The following OBSL1 variants were observed in gnomAD, a reference collection of about 807,000 sequenced individuals.
The protein encoded by OBSL1 is obscurin like cytoskeletal adaptor 1.
In OBSL1, 160 loss-of-function variants were observed where a neutral mutation model predicts 172.0. The ratio of observed to expected loss-of-function variants is 0.93; its 90% CI spans 0.82 to 1.06. OBSL1 has a LOEUF of 1.06. OBSL1 is among the 50% of genes least tolerant of loss of function. The pLI, the probability that OBSL1 is intolerant of heterozygous loss-of-function variation, is 0.00. For synonymous variants in OBSL1, 1,200 were observed against 1,196.3 expected, an observed-to-expected ratio of 1.00 and a Z score of -0.06; for missense variants, 2,681 against 2,715.4, an observed-to-expected ratio of 0.99 and a Z score of 0.28.
intron 15 of OBSL1, 77 bp downstream of exon 15, chr2:219,554,397 T>G: frequency 2.0e-6 from 3 of 1,519,478 alleles, no homozygotes; most frequent in Non-Finnish European, 1.8e-6. Context: ...GTCACACGAG[T>G]TGGGGGTCAG....
chr2:219,547,437 C>A, downstream of OBSL1: 2 of 1,268,936 alleles, frequency 1.6e-6, no homozygotes, highest in Non-Finnish European at 2.1e-6. Flanking sequence ...TGTCCTTGAC[C>A]CCTTGGACCT....
In OBSL1 at chr2:219,552,050, T is replaced by C. The variant is rs1423674789; in HGVS notation, c.5413+62A>G. 4 of 1,470,974 alleles carry C rather than the reference T, an allele frequency of 2.7e-6. No homozygotes were observed. In the African/African-American group the frequency reaches 4.2e-5, roughly 15 times the overall value. 91.1% of individuals were successfully genotyped at this position (1,470,974 alleles called of 1,614,324 possible). ...GTTCTTGGGGCCAGCCCCAAGTCCG[T>C]CAGTCCCATGGCAGGAGAGACAGGA... On this transcript the variant is annotated intron_variant, in intron 19 of 20. Coordinates refer to ENST00000404537, the MANE Select transcript of OBSL1 (RefSeq NM_015311.3).
chr2:219,555,253 C>T (rs993144833), intron 14 of OBSL1: 3 of 155,176 alleles, frequency 1.9e-5, no homozygotes, highest in Admixed American at 1.9e-4. Context: ...TAAGAATTTT[C>T]ATGTTATCTC....
At chr2:219,554,064 T>C (rs1559134737) in intron 15 of OBSL1, among the ~76,000 whole-genome samples, 1 of 151,916 alleles carries the variant, frequency 6.6e-6, no homozygotes, top group Non-Finnish European at 1.5e-5. Context: ...ATGTCGCCCG[T>C]AGGCAGTCAG....
At chr2:219,567,215 C>T (rs1374430143) in intron 4 of OBSL1, 58 bp downstream of exon 4, 1 of 1,562,540 alleles carries the variant, frequency 6.4e-7, no homozygotes, top group Admixed American at 1.8e-5. Context: ...AGAGGACCAG[C>T]ACTGAGGGCT....
At chr2:219,553,507 T>G in intron 16 of OBSL1, 67 bp downstream of exon 16, 1 of 1,135,704 alleles carries the variant, frequency 8.8e-7, no homozygotes, top group Non-Finnish European at 1.3e-6. Flanking sequence ...TATTAGCTGT[T>G]TCTGTCTGGG....
intron 1 of OBSL1, chr2:219,569,436 G>A (rs1007614517): frequency 3.9e-5 from 6 of 152,300 alleles, no homozygotes; most frequent in East Asian, 1.9e-4. Flanking sequence ...TATGGGGAGC[G>A]TTACCTTCTG....
In OBSL1 at chr2:219,567,553, T is replaced by A. The variant is rs1574574428; in HGVS notation, c.1557A>T (p.Gly519=). Residue 519 remains glycine, a synonymous_variant, in exon 4 of 21, where the codon GGA becomes GGT. Coordinates refer to ENST00000404537, the MANE Select transcript of OBSL1 (RefSeq NM_015311.3). ...RVKCVKHSPP[G]PPILAEMFKG... is the part of the protein sequence containing the mutation. ...TGAACATCTCTGCCAATATGGGGGG[T>A]CCTGGGGGACTGTGCTTGACACCTG... The A allele has an allele frequency of 6.2e-7, 1 of 1,609,100 alleles. No homozygotes were observed. The highest frequency in any genetic ancestry group is 8.5e-7 in the Non-Finnish European group (1 of 1,177,786).
Position 219,562,580 on chromosome 2 carries a change from G to A in OBSL1, c.2775C>T (p.Pro925=). The A allele has an allele frequency of 1.2e-6, 2 of 1,612,806 alleles. No homozygotes were observed. Among genetic ancestry groups the A allele is most frequent in the Non-Finnish European group, 1.7e-6 (2 of 1,179,516 alleles). Residue 925 remains proline (P), a synonymous_variant, in exon 8 of 21, where the codon CCC becomes CCT. Coordinates refer to ENST00000404537, the MANE Select transcript of OBSL1 (RefSeq NM_015311.3). ...RVVLTCELCR[P]WAEVRWTKDG... ...CCTTGGTCCAGCGCACCTCTGCCCA[G>A]GGCCGGCATAGCTCACAGGTCAGCA...
In OBSL1 at chr2:219,567,894, A is replaced by G. The variant is rs1315045720; in HGVS notation, c.1358T>C (p.Leu453Pro). ...CCAGCGTCCCTCGACCCCGGCCTCT[A>G]GAGTTTCCACTAGCAGCACAGCATT... is the stretch of plus-strand genomic sequence containing the variant. ...GENAVLLVET[L>P]EAGVEGRWSR... Residue 453 changes from leucine to proline, a missense_variant, in exon 3 of 21, where the codon CTA becomes CCA. Leu to Pro is a moderately conservative substitution (Grantham distance 98). Transcript: ENST00000404537. 1 of 1,613,840 alleles carries G rather than the reference A, an allele frequency of 6.2e-7. No homozygotes were observed. Among genetic ancestry groups the G allele is most frequent in the Non-Finnish European group, 8.5e-7 (1 of 1,179,886 alleles).
intron 8 of OBSL1, chr2:219,561,586 A>G (rs1180635892): frequency 2.3e-5 from 10 of 434,782 alleles, no homozygotes; most frequent in Non-Finnish European, 3.4e-5. Context: ...TCCTAGAGGG[A>G]AGCGGCCGTG....
At chr2:219,559,187 C>T (rs751186003) in intron 9 of OBSL1, 38 bp downstream of exon 9, 97 of 1,556,700 alleles carry the variant, frequency 6.2e-5, no homozygotes, top group Non-Finnish European at 8.4e-5. Flanking sequence ...TAGCCCCCTA[C>T]CTCTCTACCT....
At position 219,570,887 on chromosome 2, in the gene OBSL1, G is replaced by A. The variant is rs926208937; in HGVS notation, c.346C>T (p.Arg116Cys). 6.6e-6 allele frequency: 9 copies of A among 1,358,874 alleles called. No homozygotes were observed. The highest frequency in any genetic ancestry group is 8.5e-6 in the Non-Finnish European group (9 of 1,060,878). The allele number at this position is 1,358,874 out of a possible 1,614,324, so 84.2% of individuals were successfully genotyped here. A position where few individuals can be genotyped will look rare whatever the true frequency, so the allele number is the denominator to read the frequency against. The change falls in exon 1 of 21, where the codon CGC (arginine) becomes TGC (cysteine). Residue 116 changes from arginine to cysteine, a missense_variant. Arg to Cys is a radical substitution (Grantham distance 180). Transcript: ENST00000404537. ...CCGGACCCCGGCGATGGCAGCGGGC[G>A]CTCGGCGGGCTGCAGCTCGGGGTCG... is the stretch of plus-strand genomic sequence containing the variant. ...ASDPELQPAE[R>C]PLPSPGSGEG...
chr2:219,567,969 C>T lies in OBSL1; in HGVS notation c.1283G>A (p.Gly428Glu), dbSNP rs372641810. 8.7e-6 allele frequency: 14 copies of T among 1,613,280 alleles called. No homozygotes were observed. Among genetic ancestry groups the T allele is most frequent in the Non-Finnish European group, 1.0e-5 (12 of 1,179,590 alleles). Residue 428 changes from glycine (G) to glutamate (E), a missense_variant and splice_region_variant, in exon 3 of 21, where the codon GGG becomes GAG. By Grantham distance (98) the Gly-to-Glu change is moderately conservative (BLOSUM62 -2). Around this residue, in one of 5 missense-constraint regions of OBSL1, gnomAD observed 706 missense variants for 695.8 expected, o/e 1.01. Transcript: ENST00000404537. ...CCGGGGCAGGCGCTTCAGGATGGGC[C>T]CTGAGATGCGGACAGGAATCCATCA... The part of the protein sequence containing the change: ...VRTVANVTVK[G>E]PILKRLPRKL...
chr2:219,571,204 C>T lies in OBSL1; in HGVS notation c.29G>A (p.Ser10Asn). Residue 10 changes from serine (S) to asparagine (N), a missense_variant, in exon 1 of 21, where the codon AGC (serine) becomes AAC (asparagine). Ser to Asn is a conservative substitution (Grantham distance 46). Coordinates refer to ENST00000404537, the MANE Select transcript of OBSL1 (RefSeq NM_015311.3). MKASSGDQG[S>N]PPCFLRFPRP... ...CGGGAAGCGCAGGAAGCACGGGGGG[C>T]TCCCCTGATCCCCCGAGCTCGCCTT... 1 of 1,432,176 alleles carries T rather than the reference C, an allele frequency of 7.0e-7. No individual in the cohort carries two copies. Among genetic ancestry groups the T allele is most frequent in the Non-Finnish European group, 9.2e-7 (1 of 1,091,450 alleles). 88.7% of individuals were successfully genotyped at this position (1,432,176 alleles called of 1,614,324 possible).
In OBSL1 at chr2:219,567,746, G is replaced by A; in HGVS notation, c.1506C>T (p.Ser502=). The change falls in exon 3 of 21, where the codon TCC becomes TCT. Residue 502 remains serine, a synonymous_variant. Coordinates refer to ENST00000404537, the MANE Select transcript of OBSL1 (RefSeq NM_015311.3). ...AGEVTFSLGN[S]RTTTLLRVKC... The stretch of plus-strand genomic sequence containing the variant: ...TTACTCTGAGAAGCGTAGTGGTACG[G>A]GAGTTGCCCAGGCTAAAGGTGACCT... 1 of 1,613,200 alleles carries A rather than the reference G, an allele frequency of 6.2e-7. No individual in the cohort carries two copies. The highest frequency in any genetic ancestry group is 8.5e-7 in the Non-Finnish European group (1 of 1,179,262).
chr2:219,570,798 C>T lies in OBSL1; in HGVS notation c.435G>A (p.Val145=), dbSNP rs1472517276. 1 of 1,493,458 alleles carries T rather than the reference C, an allele frequency of 6.7e-7. No individual in the cohort carries two copies. The highest frequency in any genetic ancestry group is 8.9e-7 in the Non-Finnish European group (1 of 1,129,174). 92.5% of individuals were successfully genotyped at this position (1,493,458 alleles called of 1,614,324 possible). A position where few individuals can be genotyped will look rare whatever the true frequency, so the allele number is the denominator to read the frequency against. The change falls in exon 1 of 21, where the codon GTG becomes GTA. Residue 145 remains valine, a synonymous_variant. Transcript: ENST00000404537. The part of the protein sequence containing the change: ...RSQWVLRGAE[V]VLTCRAGGLP... ...GGCCCCCCGCCCGGCACGTCAGCAC[C>T]ACCTCCGCCCCCCGCAGCACCCACT...
At position 219,565,585 on chromosome 2, in the gene OBSL1, G is replaced by T. The variant is rs1696827040; in HGVS notation, c.2135-71C>A. The T allele has an allele frequency of 8.2e-6, 12 of 1,468,862 alleles. No individual in the cohort carries two copies. In the South Asian group the frequency reaches 1.4e-4, roughly 18 times the overall value. The allele number at this position is 1,468,862 out of a possible 1,614,324, so 91.0% of individuals were successfully genotyped here. The stretch of plus-strand genomic sequence containing the variant: ...GGGCTCAGTGTCGGATGCATCAGAG[G>T]GAACAACTGCTGTTGTTGGGGTTTT... On this transcript the variant is annotated intron_variant, in intron 5 of 20. Coordinates refer to ENST00000404537, the MANE Select transcript of OBSL1 (RefSeq NM_015311.3).
chr2:219,555,711 G>C (rs1222736260), intron 14 of OBSL1: 1 of 1,208,188 alleles, frequency 8.3e-7, no homozygotes, highest in African/African-American at 1.5e-5. Flanking sequence ...ACTTAAGTGG[G>C]TATGTGTATC....
Sources: allele counts gnomAD v4.1 joint callset (sites outside exome capture counted in the v4.1 genomes callset), GRCh38; gene constraint gnomAD v4.1.1; regional missense constraint gnomAD v4.1.1; transcripts MANE v1.5; gene names NCBI Gene and HGNC (gene_info 2026-07-23, HGNC 2026-07-21).